The following XRCC4 variants were observed in gnomAD, a reference collection of about 807,000 sequenced individuals.
The protein encoded by XRCC4 is X-ray repair cross complementing 4, also known as DNA repair protein XRCC4.
A neutral mutation model predicts 39.1 loss-of-function variants in XRCC4; 28 were observed. That is an observed-to-expected ratio of 0.72 (90% CI 0.53 to 0.98). The LOEUF (loss-of-function observed/expected upper bound fraction) is 0.98. Among genes scored for constraint, XRCC4 ranks in the 50% least tolerant of loss-of-function variants. The probability of loss-of-function intolerance (pLI) is 0.00; values close to 1 mark genes in which losing one functional copy is unlikely to be tolerated. For missense variants in XRCC4, 350 were observed against 376.4 expected, an observed-to-expected ratio of 0.93 and a Z score of 0.58; for synonymous variants, 123 against 126.4, an observed-to-expected ratio of 0.97 and a Z score of 0.18.
intron 7 of XRCC4, among the ~76,000 whole-genome samples, chr5:83,327,008 A>T (rs2112152943): frequency 6.6e-6 from 1 of 152,236 alleles, no homozygotes; most frequent in East Asian, 1.9e-4. Context: ...GAATTGCTAG[A>T]AAATGCTCTT....
chr5:83,339,923 T>A (rs1756704200), intron 7 of XRCC4, among the ~76,000 whole-genome samples: 3 of 152,182 alleles, frequency 2.0e-5, no homozygotes, highest in Admixed American at 6.5e-5. Flanking sequence ...GGATTGATTG[T>A]TTGCTCACTT....
rs980289625 is a variant in XRCC4, at chr5:83,082,340, G to A, written c.-11+4725G>A. 2.0e-5 allele frequency among the ~76,000 whole-genome samples: 3 copies of A among 152,224 alleles called. No homozygotes were observed. In the South Asian group the frequency reaches 6.2e-4, roughly 32 times the overall value. ...GAAAGAGGTTATTAATGGAAAAACTGGTGAAATCCAAATAAAGTCTATGGT... is the reference window on the plus strand; with the variant it reads ...GAAAGAGGTTATTAATGGAAAAACTAGTGAAATCCAAATAAAGTCTATGGT... On this transcript the variant is annotated intron_variant, in intron 1 of 7. Coordinates refer to ENST00000396027, the MANE Select transcript of XRCC4 (RefSeq NM_003401.5).
At chr5:83,086,711 A>C (rs751408908) in intron 1 of XRCC4, among the ~76,000 whole-genome samples, 2 of 152,160 alleles carry the variant, frequency 1.3e-5, no homozygotes, top group Non-Finnish European at 2.9e-5. Flanking sequence ...ACCCACACAG[A>C]ACAAACCTTC....
chr5:83,315,434 A>G (rs1455982251), intron 7 of XRCC4, among the ~76,000 whole-genome samples: 1 of 152,174 alleles, frequency 6.6e-6, no homozygotes, highest in East Asian at 1.9e-4. Context: ...ACACTAAACA[A>G]AATATTTCCA....
At chr5:83,185,818 T>G (rs1298674109) in intron 3 of XRCC4, among the ~76,000 whole-genome samples, 1 of 152,064 alleles carries the variant, frequency 6.6e-6, no homozygotes, top group African/African-American at 2.4e-5. Context: ...GAAGCATTGG[T>G]TAGGTATTTG....
At chr5:83,185,110 G>A (rs1323211340) in intron 3 of XRCC4, among the ~76,000 whole-genome samples, 1 of 151,898 alleles carries the variant, frequency 6.6e-6, no homozygotes, top group Non-Finnish European at 1.5e-5. Flanking sequence ...AGACTGAGTA[G>A]GCACTTACAT....
intron 6 of XRCC4, among the ~76,000 whole-genome samples, chr5:83,234,952 A>G (rs1389617294): frequency 1.3e-5 from 2 of 151,592 alleles, no homozygotes; most frequent in Non-Finnish European, 2.9e-5. Flanking sequence ...ATAATTTAAT[A>G]TGGTATCTAT....
intron 3 of XRCC4, among the ~76,000 whole-genome samples, chr5:83,129,993 T>C (rs575631302): frequency 6.6e-6 from 1 of 152,266 alleles, no homozygotes; most frequent in South Asian, 2.1e-4. Context: ...GGCCAGAACA[T>C]CCAACACTGT....
intron 3 of XRCC4, among the ~76,000 whole-genome samples, chr5:83,135,672 T>C (rs550812802): frequency 6.6e-6 from 1 of 152,258 alleles, no homozygotes; most frequent in South Asian, 2.1e-4. Flanking sequence ...TTGCTGTGTC[T>C]TTACATTCGC....
chr5:83,361,691 C>T, the XRCC4 span, among the ~76,000 whole-genome samples: 1 of 151,190 alleles, frequency 6.6e-6, no homozygotes, highest in Non-Finnish European at 1.5e-5. Flanking sequence ...GCCATGATCA[C>T]AGCTCACTGC....
intron 7 of XRCC4, among the ~76,000 whole-genome samples, chr5:83,330,803 G>T (rs996206271): frequency 2.0e-5 from 3 of 151,900 alleles, no homozygotes; most frequent in East Asian, 3.8e-4. Flanking sequence ...AGCAGTTTTG[G>T]GTTTTCCCTT....
At position 83,167,242 on chromosome 5, in the gene XRCC4, T is replaced by C. The variant is rs188362804; in HGVS notation, c.316-28528T>C. 1.1e-3 allele frequency among the ~76,000 whole-genome samples: 158 copies of C among 147,480 alleles called. 1 individual carries two copies. The highest frequency in any genetic ancestry group is 3.5e-3 in the Middle Eastern group (1 of 282). On this transcript the variant is annotated intron_variant, in intron 3 of 7. Coordinates refer to ENST00000396027, the MANE Select transcript of XRCC4 (RefSeq NM_003401.5). ...CAGTGATGTTGAGCTTTTTTTTTTT[T>C]CATATGGTTGTTGTAGACTTATAAA...
rs307330 is a variant in XRCC4 at position 83,319,006 on chromosome 5, A to G, written c.894-34125A>G. Among the ~76,000 whole-genome samples the G allele has an allele frequency of 8.1e-4, 37 of 45,522 alleles. 1 individual carries two copies. The highest frequency in any genetic ancestry group is 7.1e-3 in the East Asian group (9 of 1,266). The allele number at this position is 45,522 out of a possible 152,430, so 29.9% of individuals were successfully genotyped here. On this transcript the variant is annotated intron_variant, in intron 7 of 7. Coordinates refer to ENST00000396027, the MANE Select transcript of XRCC4 (RefSeq NM_003401.5). ...CAGCATGGTACTGGTACCAAAACAG[A>G]GATATAGATCAATGGAACAGAACAG...
downstream of XRCC4, among the ~76,000 whole-genome samples, chr5:83,358,651 G>A (rs557530034): frequency 6.6e-6 from 1 of 152,216 alleles, no homozygotes; most frequent in Non-Finnish European, 1.5e-5. Flanking sequence ...TCCAGTAAAT[G>A]GAATATAGAC....
In XRCC4 at chr5:83,258,512, C is replaced by T. The variant is rs1753632694; in HGVS notation, c.746-18C>T. The T allele has an allele frequency of 1.9e-6, 3 of 1,604,384 alleles. No homozygotes were observed. Among genetic ancestry groups the T allele is most frequent in the African/African-American group, 2.7e-5 (2 of 74,310 alleles). On this transcript the variant is annotated intron_variant, in intron 6 of 7. Coordinates refer to ENST00000396027, the MANE Select transcript of XRCC4 (RefSeq NM_003401.5). ...GCATAATTTTGTTGGGTCACATTCTCATCTCATTTTATTTCAGCTGCTGTA... is the reference window on the plus strand; with the variant it reads ...GCATAATTTTGTTGGGTCACATTCTTATCTCATTTTATTTCAGCTGCTGTA...
intron 7 of XRCC4, among the ~76,000 whole-genome samples, chr5:83,292,032 A>AATT (rs1561458050): frequency 1.3e-5 from 2 of 150,090 alleles, no homozygotes; most frequent in South Asian, 4.2e-4. Flanking sequence ...ACATCTTATA[A>AATT]ATGAGATATC....
chr5:83,208,836 T>C (rs1751521021), intron 6 of XRCC4, among the ~76,000 whole-genome samples: 2 of 152,138 alleles, frequency 1.3e-5, no homozygotes, highest in South Asian at 4.1e-4. Context: ...TCCAGATAGA[T>C]AGTGATTGTA....
intron 6 of XRCC4, among the ~76,000 whole-genome samples, chr5:83,240,918 T>C (rs1374873360): frequency 6.6e-6 from 1 of 152,162 alleles, no homozygotes; most frequent in Admixed American, 6.5e-5. Context: ...CACTGCACTT[T>C]GTAAAAGTGA....
intron 3 of XRCC4, among the ~76,000 whole-genome samples, chr5:83,175,953 A>G (rs1280257917): frequency 1.3e-5 from 2 of 152,126 alleles, no homozygotes; most frequent in African/African-American, 2.4e-5. Flanking sequence ...TAATGAGACC[A>G]GGAGTTCAAG....
Sources: gnomAD v4.1 joint callset for allele counts (sites outside exome capture counted in the v4.1 genomes callset) on GRCh38, gnomAD v4.1.1 for gene constraint, MANE v1.5 for transcripts, NCBI Gene and HGNC (gene_info 2026-07-23, HGNC 2026-07-21) for gene names.